RTN1: variants seen among roughly 807,000 people sequenced by gnomAD.
The protein encoded by RTN1 is reticulon-1.
Under a neutral mutation model 65.5 loss-of-function variants are expected in RTN1, and 25 were observed. The observed-to-expected ratio is 0.38, with a 90% CI of 0.28 to 0.53. The LOEUF is 0.53. RTN1 is among the 20% of genes least tolerant of loss of function. The pLI, the probability that RTN1 is intolerant of heterozygous loss-of-function variation, is 0.79. For missense variants in RTN1, 983 were observed against 1,025.4 expected, an observed-to-expected ratio of 0.96 and a Z score of 0.57; for synonymous variants, 471 against 447.6, an observed-to-expected ratio of 1.05 and a Z score of -0.66.
intron 1 of RTN1, among the ~76,000 whole-genome samples, chr14:59,796,617 C>T (rs193050902): frequency 6.6e-6 from 1 of 152,282 alleles, no homozygotes; most frequent in East Asian, 1.9e-4. Context: ...CTCACACCTT[C>T]ATAGCTTTAC....
chr14:59,734,168 A>T (rs902503982), intron 2 of RTN1, among the ~76,000 whole-genome samples: 2 of 152,236 alleles, frequency 1.3e-5, no homozygotes, highest in Admixed American at 1.3e-4. Context: ...AAATTGTTAA[A>T]AGAAGAACAA....
At chr14:59,777,682 G>A (rs1886077333) in intron 1 of RTN1, among the ~76,000 whole-genome samples, 1 of 151,904 alleles carries the variant, frequency 6.6e-6, no homozygotes, top group African/African-American at 2.4e-5. Flanking sequence ...CCTTTCTTGG[G>A]GAAAGTGTGG....
intron 3 of RTN1, among the ~76,000 whole-genome samples, chr14:59,698,387 T>G (rs1015047985): frequency 6.6e-6 from 1 of 152,176 alleles, no homozygotes; most frequent in East Asian, 1.9e-4. Flanking sequence ...CCTGCCATTT[T>G]TCAATAGATT....
Position 59,803,362 on chromosome 14 carries a change from C to G in RTN1, c.242-56881G>C, listed in dbSNP as rs1365740045. The stretch of plus-strand genomic sequence containing the variant: ...CACGCTTAAGTAAGTTTTCATCCTT[C>G]AGGAGGGGAACTAGTATCTCGGGGA... On this transcript the variant is annotated intron_variant, in intron 1 of 8. Transcript: ENST00000267484. This position sits in a 1 kb window ranked among gnomAD's most constrained non-coding sequence, Gnocchi z 5.6. Among the ~76,000 whole-genome samples the G allele has an allele frequency of 1.3e-5, 2 of 152,186 alleles. No homozygotes were observed. Among genetic ancestry groups the G allele is most frequent in the East Asian group, 1.9e-4 (1 of 5,198 alleles).
At chr14:59,724,875 C>G (rs1884725593) in intron 3 of RTN1, among the ~76,000 whole-genome samples, 1 of 152,230 alleles carries the variant, frequency 6.6e-6, no homozygotes, top group Admixed American at 6.5e-5. Flanking sequence ...CAGTTCTTGG[C>G]TGCCTCAGAA....
chr14:59,670,101 C>A (rs769816927), intron 3 of RTN1, among the ~76,000 whole-genome samples: 1 of 152,160 alleles, frequency 6.6e-6, no homozygotes, highest in Non-Finnish European at 1.5e-5. Flanking sequence ...ATAACAGAAA[C>A]ATTCTCAATA....
At chr14:59,691,202 A>G (rs952088009) in intron 3 of RTN1, among the ~76,000 whole-genome samples, 3 of 152,184 alleles carry the variant, frequency 2.0e-5, no homozygotes, top group Non-Finnish European at 4.4e-5. Context: ...ATTACCACAG[A>G]AAAAGAGAGA....
chr14:59,723,177 T>C (rs1285634447), intron 3 of RTN1, among the ~76,000 whole-genome samples: 1 of 152,128 alleles, frequency 6.6e-6, no homozygotes, highest in African/African-American at 2.4e-5. Flanking sequence ...TATTAACGTT[T>C]TAAGGACTGA....
At chr14:59,762,248 T>A (rs778255583) in intron 1 of RTN1, among the ~76,000 whole-genome samples, 1 of 152,104 alleles carries the variant, frequency 6.6e-6, no homozygotes, top group Non-Finnish European at 1.5e-5. Context: ...GACATCCCCA[T>A]CAAATCAGTG....
intron 3 of RTN1, among the ~76,000 whole-genome samples, chr14:59,626,801 C>A (rs2140181319): frequency 6.6e-6 from 1 of 152,300 alleles, no homozygotes; most frequent in East Asian, 1.9e-4. Context: ...GAACTTAGGA[C>A]AGCACCTGGC....
chr14:59,865,801 C>A lies in RTN1; in HGVS notation c.241+4589G>T, dbSNP rs545820329. Among the ~76,000 whole-genome samples the A allele has an allele frequency of 2.0e-5, 3 of 152,238 alleles. No homozygotes were observed. The East Asian group carries it at 5.8e-4, about 29-fold the overall frequency. On this transcript the variant is annotated intron_variant, in intron 1 of 8. Transcript: ENST00000267484. ...ATCGTTTTCAAAACTCCCTTAGTCACCACTGAAATAATCTAATTGTTGAAT... is the reference window on the plus strand; with the variant it reads ...ATCGTTTTCAAAACTCCCTTAGTCAACACTGAAATAATCTAATTGTTGAAT...
intron 1 of RTN1, among the ~76,000 whole-genome samples, chr14:59,749,740 T>G (rs1229665936): frequency 3.9e-5 from 4 of 103,574 alleles, no homozygotes; most frequent in African/African-American, 5.2e-5. Context: ...TATTTATATA[T>G]ATATCTATAT....
chr14:59,715,867 G>T (rs936443044), intron 3 of RTN1, among the ~76,000 whole-genome samples: 5 of 149,848 alleles, frequency 3.3e-5, no homozygotes, highest in Non-Finnish European at 5.9e-5. Context: ...AGAGAAGGAA[G>T]AAAATAAAAG....
intron 1 of RTN1, among the ~76,000 whole-genome samples, chr14:59,848,877 T>G (rs906479614): frequency 5.9e-5 from 9 of 152,196 alleles, no homozygotes; most frequent in African/African-American, 1.7e-4. Context: ...ACGAAGTCCA[T>G]GTACACAAAT....
At chr14:59,678,790 C>G (rs1382960189) in intron 3 of RTN1, among the ~76,000 whole-genome samples, 1 of 152,196 alleles carries the variant, frequency 6.6e-6, no homozygotes, top group East Asian at 1.9e-4. Context: ...AGCGTGACCA[C>G]AGACCACCTG....
At chr14:59,758,264 T>C (rs1251383505) in intron 1 of RTN1, among the ~76,000 whole-genome samples, 1 of 152,136 alleles carries the variant, frequency 6.6e-6, no homozygotes, top group Non-Finnish European at 1.5e-5. Context: ...CTTCTCACTC[T>C]GCACTACTCT....
chr14:59,835,841 A>T (rs1887204086), intron 1 of RTN1, among the ~76,000 whole-genome samples: 1 of 152,246 alleles, frequency 6.6e-6, no homozygotes, highest in Non-Finnish European at 1.5e-5. Flanking sequence ...CTGCTATAAC[A>T]AATTACCACA....
chr14:59,843,023 T>C (rs1887341741), intron 1 of RTN1, among the ~76,000 whole-genome samples: 1 of 152,218 alleles, frequency 6.6e-6, no homozygotes, highest in Non-Finnish European at 1.5e-5. Context: ...GTTCACAAAA[T>C]ATGTTCAAGA....
At chr14:59,843,691 T>C (rs964072690) in intron 1 of RTN1, among the ~76,000 whole-genome samples, 1 of 152,100 alleles carries the variant, frequency 6.6e-6, no homozygotes, top group African/African-American at 2.4e-5. Flanking sequence ...TGGGAGAAAT[T>C]TGAGCACAAT....
Sources: allele counts gnomAD v4.1 joint callset (sites outside exome capture counted in the v4.1 genomes callset), GRCh38; gene constraint gnomAD v4.1.1; non-coding constraint Gnocchi (gnomAD v3.1); transcripts MANE v1.5; gene names NCBI Gene and HGNC (gene_info 2026-07-23, HGNC 2026-07-21).